The following PPP1R9A variants were observed in gnomAD, a reference collection of about 807,000 sequenced individuals.
The protein encoded by PPP1R9A is neurabin-1.
Under a neutral mutation model 141.9 loss-of-function variants are expected in PPP1R9A, and 59 were observed. The observed-to-expected ratio is 0.42, with a 90% CI of 0.34 to 0.52. The LOEUF is 0.52. PPP1R9A is among the 20% of genes least tolerant of loss of function. PPP1R9A has a pLI of 0.10. For synonymous variants in PPP1R9A, 500 were observed against 569.7 expected (o/e 0.88, Z 1.74); for missense variants, 1,444 against 1,611.9 (o/e 0.90, Z 1.78).
chr7:95,233,882 G>A (rs1563470005), intron 8 of PPP1R9A, among the ~76,000 whole-genome samples: 1 of 152,078 alleles, frequency 6.6e-6, no homozygotes. Context: ...ACATATGCAA[G>A]TCAATAAATG....
At chr7:95,067,939 G>A (rs1205040136) in intron 2 of PPP1R9A, among the ~76,000 whole-genome samples, 1 of 152,008 alleles carries the variant, frequency 6.6e-6, no homozygotes, top group Non-Finnish European at 1.5e-5. Context: ...CTGGATATGT[G>A]GAAAATTACA....
chr7:94,983,209 A>G (rs898410561), intron 2 of PPP1R9A, among the ~76,000 whole-genome samples: 1 of 152,196 alleles, frequency 6.6e-6, no homozygotes, highest in African/African-American at 2.4e-5. Flanking sequence ...TTGTACCAGT[A>G]CCATGCTGTT....
At chr7:94,920,896 A>G (rs1223702898) in intron 2 of PPP1R9A, among the ~76,000 whole-genome samples, 1 of 152,188 alleles carries the variant, frequency 6.6e-6, no homozygotes, top group African/African-American at 2.4e-5. Context: ...GCTGTATAGT[A>G]AGATGGTCTT....
rs140513145 is a variant in PPP1R9A at position 95,149,170 on chromosome 7, A to G, written c.1650-12697A>G. Among the ~76,000 whole-genome samples the G allele has an allele frequency of 2.9e-3, 443 of 152,254 alleles. 1 individual carries two copies. Among genetic ancestry groups the G allele is most frequent in the African/African-American group, 9.1e-3 (380 of 41,570 alleles). ...ATAACATGATTATATCAGTAGATGC[A>G]GAAAAAAGCATTTGACAAAAATCAT... On this transcript the variant is annotated intron_variant, in intron 4 of 19. Transcript: ENST00000433360.
intron 2 of PPP1R9A, among the ~76,000 whole-genome samples, chr7:95,050,287 G>A (rs1023844795): frequency 1.3e-4 from 20 of 152,086 alleles, no homozygotes; most frequent in Admixed American, 1.2e-3. Flanking sequence ...ATCTTCATTG[G>A]TGGGATATAT....
In PPP1R9A at chr7:95,025,255, C is replaced by T. The variant is rs1003764218; in HGVS notation, c.1396-86004C>T. ...CTAATTTTTGTATTTTTAGTAGAGA[C>T]GGGGTTTCACCATGTTGGCCAGGCT... On this transcript the variant is annotated intron_variant, in intron 2 of 19. Transcript: ENST00000433360. 1.1e-4 allele frequency among the ~76,000 whole-genome samples: 17 copies of T among 151,958 alleles called. No individual in the cohort carries two copies. In the East Asian group the frequency reaches 1.3e-3, roughly 12 times the overall value.
At position 95,284,331 on chromosome 7, in the gene PPP1R9A, G is replaced by A. The variant is rs552267665; in HGVS notation, c.3609+1G>A. On this transcript the variant is annotated splice_donor_variant, in intron 17 of 19. Transcript: ENST00000433360. LOFTEE classifies it high-confidence loss of function. ...TGTAGTCTGGATCCAAGAAACCAAT[G>A]TAATAACACTGCAATAAACAATGCA... 6 of 1,462,626 alleles carry A rather than the reference G, an allele frequency of 4.1e-6. No individual in the cohort carries two copies. The East Asian group carries it at 9.6e-5, about 23-fold the overall frequency. 90.6% of individuals were successfully genotyped at this position (1,462,626 alleles called of 1,614,324 possible).
Position 95,165,649 on chromosome 7 carries a change from T to A in PPP1R9A, c.1754+3678T>A, listed in dbSNP as rs113586372. On this transcript the variant is annotated intron_variant, in intron 5 of 19. Coordinates refer to ENST00000433360, the MANE Select transcript of PPP1R9A (RefSeq NM_001166160.2). ...TGTATCAGCAGCTACAACTTACACA[T>A]ATTTTGGTACCTGAATGTGGGCTCC... is the stretch of plus-strand genomic sequence containing the variant. 6.2e-3 allele frequency among the ~76,000 whole-genome samples: 941 copies of A among 152,302 alleles called. 9 individuals carry two copies. The highest frequency in any genetic ancestry group is 0.021 in the African/African-American group (885 of 41,558).
chr7:95,274,105 C>G lies in PPP1R9A; in HGVS notation c.3233C>G (p.Ser1078Cys). 6.3e-7 allele frequency: 1 copy of G among 1,583,692 alleles called. No individual in the cohort carries two copies. The highest frequency in any genetic ancestry group is 8.5e-7 in the Non-Finnish European group (1 of 1,170,776). ...TACAGGGCGCCTTTGCGAAGGAATT[C>G]CAGCAAGGGAAAGAAGTGGAAAGAA... Reference protein sequence around the residue: ...VDLGAPLRRNSSKGKKWKEKE... With the variant: ...VDLGAPLRRNCSKGKKWKEKE... The change falls in exon 16 of 20, where the codon TCC (serine) becomes TGC (cysteine). Residue 1078 changes from serine (S) to cysteine (C), a missense_variant. By Grantham distance (112) the Ser-to-Cys change is moderately radical. Around this residue, in one of 5 missense-constraint regions of PPP1R9A, gnomAD observed 459 missense variants for 513.8 expected, o/e 0.89. Transcript: ENST00000433360.
intron 2 of PPP1R9A, among the ~76,000 whole-genome samples, chr7:94,996,867 A>C (rs1353173973): frequency 6.8e-6 from 1 of 146,866 alleles, no homozygotes; most frequent in Non-Finnish European, 1.5e-5. Flanking sequence ...CAATGGCACA[A>C]TTGCAGCTCA....
At chr7:94,980,234 T>C (rs1045790316) in intron 2 of PPP1R9A, among the ~76,000 whole-genome samples, 1 of 151,524 alleles carries the variant, frequency 6.6e-6, no homozygotes, top group African/African-American at 2.4e-5. Flanking sequence ...TAAGAAAGTT[T>C]ACGAATTTGT....
At chr7:95,267,045 A>C (rs1801408436) in intron 12 of PPP1R9A, among the ~76,000 whole-genome samples, 1 of 152,150 alleles carries the variant, frequency 6.6e-6, no homozygotes, top group African/African-American at 2.4e-5. Context: ...TTCTTCATTC[A>C]GATATAGGAA....
chr7:95,193,589 T>G (rs1835823345), intron 5 of PPP1R9A, among the ~76,000 whole-genome samples: 1 of 152,036 alleles, frequency 6.6e-6, no homozygotes, highest in African/African-American at 2.4e-5. Context: ...CACAGATAAT[T>G]CTGGTTTGGA....
chr7:95,170,737 A>C (rs1055010592), intron 5 of PPP1R9A, among the ~76,000 whole-genome samples: 1 of 151,596 alleles, frequency 6.6e-6, no homozygotes, highest in East Asian at 1.9e-4. Context: ...AGTCTTTAAT[A>C]ATGTAAATAA....
At chr7:95,037,881 G>A (rs1277296746) in intron 2 of PPP1R9A, among the ~76,000 whole-genome samples, 1 of 151,738 alleles carries the variant, frequency 6.6e-6, no homozygotes, top group African/African-American at 2.4e-5. Flanking sequence ...AAGGCAGGAG[G>A]ATTGTTTGAG....
chr7:95,286,369 C>A (rs373518550), intron 18 of PPP1R9A, 44 bp downstream of exon 18: 31 of 1,604,120 alleles, frequency 1.9e-5, no homozygotes, highest in Non-Finnish European at 2.5e-5. Context: ...TCAAATCTGA[C>A]GTTTTACCCA....
intron 2 of PPP1R9A, among the ~76,000 whole-genome samples, chr7:95,017,025 A>G (rs925057357): frequency 2.6e-5 from 4 of 152,184 alleles, no homozygotes; most frequent in African/African-American, 9.7e-5. Flanking sequence ...GAAGACAGCC[A>G]TATGAAGATG....
At chr7:94,953,488 C>T (rs973131598) in intron 2 of PPP1R9A, among the ~76,000 whole-genome samples, 1 of 152,046 alleles carries the variant, frequency 6.6e-6, no homozygotes, top group African/African-American at 2.4e-5. Flanking sequence ...TTTTCTAATT[C>T]TGTGAAGAAA....
chr7:95,057,332 G>A (rs1330692072), intron 2 of PPP1R9A, among the ~76,000 whole-genome samples: 5 of 151,990 alleles, frequency 3.3e-5, no homozygotes, highest in Admixed American at 1.3e-4. Flanking sequence ...AAGAAAAGGG[G>A]GAAAATTTAA....
Sources: allele counts gnomAD v4.1 joint callset (sites outside exome capture counted in the v4.1 genomes callset), GRCh38; gene constraint gnomAD v4.1.1; regional missense constraint gnomAD v4.1.1; transcripts MANE v1.5; gene names NCBI Gene and HGNC (gene_info 2026-07-23, HGNC 2026-07-21).